Variants in COL3A1 observed in about 807,000 individuals in gnomAD.
COL3A1 encodes the protein collagen type III alpha 1 chain.
COL3A1 carries 46 observed loss-of-function variants against 200.9 expected under a neutral mutation model. That is an observed-to-expected ratio of 0.23 (90% CI 0.18 to 0.29). COL3A1 has a LOEUF of 0.29. Among genes scored for constraint, COL3A1 ranks in the 10% least tolerant of loss-of-function variants. The probability of loss-of-function intolerance (pLI) is 1.00; values close to 1 mark genes in which losing one functional copy is unlikely to be tolerated. For synonymous variants in COL3A1, 650 were observed against 628.0 expected, an observed-to-expected ratio of 1.03 and a Z score of -0.52; for missense variants, 1,367 against 1,917.6, an observed-to-expected ratio of 0.71 and a Z score of 5.36.
Position 189,003,963 on chromosome 2 carries a change from T to G in COL3A1, c.2662-19T>G. 1 of 1,591,812 alleles carries G rather than the reference T, an allele frequency of 6.3e-7. No homozygotes were observed. The highest frequency in any genetic ancestry group is 8.5e-7 in the Non-Finnish European group (1 of 1,169,772). On this transcript the variant is annotated intron_variant, in intron 38 of 50. Transcript: ENST00000304636. ...CACTTTTTATTATAAATATTCAAAT[T>G]TCAAACAATTATTTGTAGGGTAACC...
intron 21 of COL3A1, 22 bp downstream of exon 21, chr2:188,995,121 G>A (rs199662933): frequency 6.2e-7 from 1 of 1,611,474 alleles, no homozygotes; most frequent in African/African-American, 1.3e-5. Context: ...TAGTTTCTAT[G>A]TTCCTAAATG....
rs755509342 is a variant in COL3A1, at chr2:188,990,164, T to C, written c.744+15T>C. 8.1e-6 allele frequency: 13 copies of C among 1,612,938 alleles called. No homozygotes were observed. The Admixed American group carries it at 2.2e-4, about 27-fold the overall frequency. The stretch of plus-strand genomic sequence containing the variant: ...CTGGACCTCCAGTGAGTCTTCAGCA[T>C]CTAATAAATTAATTGGAATAATCTT... On this transcript the variant is annotated intron_variant, in intron 9 of 50. Coordinates refer to ENST00000304636, the MANE Select transcript of COL3A1 (RefSeq NM_000090.4).
intron 1 of COL3A1, chr2:188,977,978 T>A: frequency 3.3e-6 from 1 of 307,352 alleles, no homozygotes; most frequent in Non-Finnish European, 6.6e-6. Flanking sequence ...TATAACACTT[T>A]GTGTTTTTCA....
Position 188,984,827 on chromosome 2 carries a change from A to G in COL3A1, c.147A>G (p.Pro49=). The G allele has an allele frequency of 6.2e-7, 1 of 1,613,258 alleles. No individual in the cohort carries two copies. The highest frequency in any genetic ancestry group is 8.5e-7 in the Non-Finnish European group (1 of 1,179,402). ...ATAGAGATGTCTGGAAGCCAGAACC[A>G]TGCCAAATATGTGTCTGTGACTCAG... ...YADRDVWKPE[P]CQICVCDSGS... The change falls in exon 2 of 51, where the codon CCA becomes CCG. Residue 49 remains proline, a synonymous_variant. Coordinates refer to ENST00000304636, the MANE Select transcript of COL3A1 (RefSeq NM_000090.4).
At chr2:188,999,975 C>T in intron 32 of COL3A1, 80 bp downstream of exon 32, 1 of 1,372,440 alleles carries the variant, frequency 7.3e-7, no homozygotes, top group Non-Finnish European at 1.0e-6. Flanking sequence ...TTAATTTTTT[C>T]CAAAAACTAC....
At position 189,005,361 on chromosome 2, in the gene COL3A1, G is replaced by A. The variant is rs2153503629; in HGVS notation, c.2943G>A (p.Gly981=). The change falls in exon 41 of 51, where the codon GGG becomes GGA. Residue 981 remains glycine (G), a synonymous_variant. Coordinates refer to ENST00000304636, the MANE Select transcript of COL3A1 (RefSeq NM_000090.4). ...PGPQGVKGES[G]KPGANGLSGE... ...TCCTTTGTATACAGGGTGAAAGTGGGAAACCAGGAGCTAACGGTCTCAGTG... is the reference window on the plus strand; with the variant it reads ...TCCTTTGTATACAGGGTGAAAGTGGAAAACCAGGAGCTAACGGTCTCAGTG... 1 of 1,614,028 alleles carries A rather than the reference G, an allele frequency of 6.2e-7. No individual in the cohort carries two copies.
In COL3A1 at chr2:188,991,735, G is replaced by A. The variant is rs1216642932; in HGVS notation, c.951+13G>A. ...TCCTGGGGCTGCAGTGAGTATAGCT[G>A]CTAACATCACACAATTACAACCCAA... is the stretch of plus-strand genomic sequence containing the variant. On this transcript the variant is annotated intron_variant, in intron 13 of 50. Coordinates refer to ENST00000304636, the MANE Select transcript of COL3A1 (RefSeq NM_000090.4). The A allele has an allele frequency of 1.9e-6, 3 of 1,613,572 alleles. No individual in the cohort carries two copies. The highest frequency in any genetic ancestry group is 1.1e-5 in the South Asian group (1 of 91,070).
chr2:188,984,620 A>T, intron 1 of COL3A1, 140 bp from the exon 2 acceptor site: 1 of 740,640 alleles, frequency 1.4e-6, no homozygotes, highest in Non-Finnish European at 2.3e-6. Flanking sequence ...TAGGGCAAGT[A>T]TAATTTTCTA....
At chr2:189,011,461 A>G (rs1371407739) in intron 50 of COL3A1, among the ~76,000 whole-genome samples, 167 bp from the exon 51 acceptor site, 1 of 152,226 alleles carries the variant, frequency 6.6e-6, no homozygotes, top group Non-Finnish European at 1.5e-5. Flanking sequence ...TTGTTTATCA[A>G]CTAAGAAGAT....
rs1431670813 is a variant in COL3A1, at chr2:188,989,403, C to G, written c.644C>G (p.Pro215Arg). ...EPGQAGPSGPPGPPGAIGPSG... is the reference protein window; with the variant it reads ...EPGQAGPSGPRGPPGAIGPSG... ...TTATTTCCTTATTTTCAGGGCCCTC[C>G]AGGACCTCCTGGTGCTATAGGTCCA... Residue 215 changes from proline (P) to arginine (R), a missense_variant, in exon 8 of 51, where the codon CCA (proline) becomes CGA (arginine). This residue lies in a region of COL3A1 where 462 missense variants were observed against 681.4 expected (regional missense o/e 0.68). Transcript: ENST00000304636. 6.2e-7 allele frequency: 1 copy of G among 1,602,588 alleles called. No homozygotes were observed. Among genetic ancestry groups the G allele is most frequent in the Admixed American group, 1.7e-5 (1 of 59,188 alleles).
chr2:188,991,901 A>T (rs1050193966), intron 13 of COL3A1, among the ~76,000 whole-genome samples, 179 bp downstream of exon 13: 3 of 152,166 alleles, frequency 2.0e-5, no homozygotes, highest in Non-Finnish European at 2.9e-5. Context: ...TTGTTTTACA[A>T]TTATTATCTC....
At chr2:188,976,585 C>T (rs1687822407) in intron 1 of COL3A1, among the ~76,000 whole-genome samples, 1 of 152,042 alleles carries the variant, frequency 6.6e-6, no homozygotes, top group Admixed American at 6.6e-5. Context: ...GAATATACAG[C>T]ACACTGAGAG....
chr2:188,981,292 C>T (rs2153500954), intron 1 of COL3A1, among the ~76,000 whole-genome samples: 1 of 151,512 alleles, frequency 6.6e-6, no homozygotes, highest in East Asian at 1.9e-4. Flanking sequence ...GTGTTAGCTT[C>T]AATATGTTTT....
At chr2:189,003,175 T>C in intron 36 of COL3A1, 113 bp downstream of exon 36, 2 of 927,884 alleles carry the variant, frequency 2.2e-6, no homozygotes, top group East Asian at 2.6e-5. Context: ...TCCTAAGTGT[T>C]CTAATGGAAA....
chr2:188,995,919 A>G, intron 22 of COL3A1, 129 bp downstream of exon 22: 1 of 999,794 alleles, frequency 1.0e-6, no homozygotes, highest in Non-Finnish European at 1.5e-6. Flanking sequence ...ACAAAACAAA[A>G]TTCTTTTAAG....
At chr2:189,008,676 G>C (rs1052794659) in intron 47 of COL3A1, 4 of 564,818 alleles carry the variant, frequency 7.1e-6, no homozygotes, top group Non-Finnish European at 1.3e-5. Flanking sequence ...AAGAATGATA[G>C]AGAAAACTTG....
chr2:188,989,680 C>T (rs763191944), intron 8 of COL3A1, among the ~76,000 whole-genome samples: 7 of 152,028 alleles, frequency 4.6e-5, no homozygotes, highest in South Asian at 2.1e-4. Flanking sequence ...TTTTTGACTG[C>T]GGAGAAGACT....
intron 50 of COL3A1, 88 bp downstream of exon 50, chr2:189,010,978 T>A: frequency 5.3e-6 from 8 of 1,503,434 alleles, no homozygotes; most frequent in Non-Finnish European, 7.4e-6. Context: ...ATAAATAAAA[T>A]TAATAGGATG....
In COL3A1 at chr2:188,991,503, C is replaced by A; in HGVS notation, c.869C>A (p.Pro290Gln). 1 of 1,610,288 alleles carries A rather than the reference C, an allele frequency of 6.2e-7. No homozygotes were observed. Among genetic ancestry groups the A allele is most frequent in the Non-Finnish European group, 8.5e-7 (1 of 1,177,406 alleles). The change falls in exon 12 of 51, where the codon CCA (proline) becomes CAA (glutamine). Residue 290 changes from proline (P) to glutamine (Q), a missense_variant. This residue lies in a region of COL3A1 where 462 missense variants were observed against 681.4 expected (regional missense o/e 0.68). Transcript: ENST00000304636. ...APGLKGENGLPGENGAPGPMG... is the reference protein window; with the variant it reads ...APGLKGENGLQGENGAPGPMG... ...TGTATCTAGGGTGAAAATGGTCTTC[C>A]AGGCGAAAATGGAGCTCCTGGACCC... is the stretch of plus-strand genomic sequence containing the variant.
Sources: allele counts gnomAD v4.1 joint callset (sites outside exome capture counted in the v4.1 genomes callset), GRCh38; gene constraint gnomAD v4.1.1; regional missense constraint gnomAD v4.1.1; transcripts MANE v1.5; gene names NCBI Gene and HGNC (gene_info 2026-07-23, HGNC 2026-07-21).